The following DOCK8 variants were observed in gnomAD, a reference collection of about 807,000 sequenced individuals.
DOCK8 encodes dedicator of cytokinesis 8, also known as dedicator of cytokinesis protein 8.
Under a neutral mutation model 245.6 loss-of-function variants are expected in DOCK8, and 141 were observed. The observed-to-expected ratio is 0.57, with a 90% CI of 0.50 to 0.66. The LOEUF is 0.66. DOCK8 is among the 30% of genes least tolerant of loss of function. The pLI, the probability that DOCK8 is intolerant of heterozygous loss-of-function variation, is 0.00. For synonymous variants in DOCK8, 1,168 were observed against 970.2 expected, an observed-to-expected ratio of 1.20 and a Z score of -3.79; for missense variants, 2,965 against 2,603.4, an observed-to-expected ratio of 1.14 and a Z score of -3.02.
At chr9:233,860 G>C (rs964095199) in intron 1 of DOCK8, among the ~76,000 whole-genome samples, 1 of 152,160 alleles carries the variant, frequency 6.6e-6, no homozygotes, top group South Asian at 2.1e-4. Context: ...CAATTTGCCA[G>C]TCTGTGTCTT....
chr9:356,987 G>T (rs777617690), intron 14 of DOCK8, among the ~76,000 whole-genome samples: 1 of 152,062 alleles, frequency 6.6e-6, no homozygotes, highest in Non-Finnish European at 1.5e-5. Flanking sequence ...CTTTTCTATG[G>T]GAATCTGATC....
intron 14 of DOCK8, chr9:366,440 A>G (rs1374871007): frequency 6.6e-6 from 1 of 152,132 alleles, no homozygotes; most frequent in South Asian, 2.1e-4. Flanking sequence ...GATTGTTCCA[A>G]TTATCATTTT....
chr9:428,635 G>A, intron 35 of DOCK8, 139 bp downstream of exon 35: 2 of 1,093,338 alleles, frequency 1.8e-6, no homozygotes, highest in Non-Finnish European at 2.7e-6. Context: ...GTCTTCCTAG[G>A]AAGAAAGCAG....
upstream of DOCK8, among the ~76,000 whole-genome samples, chr9:212,615 A>C (rs1236408835): frequency 2.0e-5 from 3 of 152,228 alleles, no homozygotes; most frequent in African/African-American, 7.2e-5. Flanking sequence ...TTCATGGTGA[A>C]TTGTTAAAAG....
chr9:278,001 C>T (rs1388744321), intron 2 of DOCK8, among the ~76,000 whole-genome samples: 1 of 152,136 alleles, frequency 6.6e-6, no homozygotes, highest in Non-Finnish European at 1.5e-5. Flanking sequence ...TGTTCTTTTG[C>T]ACTTCATCTT....
At chr9:283,838 A>T (rs1329473431) in intron 2 of DOCK8, among the ~76,000 whole-genome samples, 5 of 152,214 alleles carry the variant, frequency 3.3e-5, no homozygotes, top group African/African-American at 1.2e-4. Flanking sequence ...AATGAATTTA[A>T]TGTTTACATT....
rs963594266 is a variant in DOCK8 at position 316,557 on chromosome 9, C to G, written c.742-486C>G. ...ATCATCTGTTTAAGAAAACAGTGAA[C>G]TGAGAAAGTGACTCTGTATTATAGG... On this transcript the variant is annotated intron_variant, in intron 6 of 47. Coordinates refer to ENST00000432829, the MANE Select transcript of DOCK8 (RefSeq NM_203447.4). Among the ~76,000 whole-genome samples the G allele has an allele frequency of 2.6e-5, 4 of 152,280 alleles. No homozygotes were observed. In the South Asian group the frequency reaches 8.3e-4, roughly 32 times the overall value.
intron 2 of DOCK8, among the ~76,000 whole-genome samples, chr9:280,003 TA>T (rs1217537213): frequency 1.3e-5 from 2 of 152,184 alleles, no homozygotes; most frequent in Non-Finnish European, 2.9e-5. Flanking sequence ...TACACTGTGT[TA>T]GGAGCTATGT....
Position 370,283 on chromosome 9 carries a change from T to C in DOCK8, c.1851T>C (p.Ala617=), listed in dbSNP as rs1174316008. The part of the protein sequence containing the change: ...GPEFLQEVYT[A]VTYHNKSPDF... ...AATTTCTGCAGGAAGTGTACACAGCTGTTACATACCATAATAAGTAAGTCT... is the reference window on the plus strand; with the variant it reads ...AATTTCTGCAGGAAGTGTACACAGCCGTTACATACCATAATAAGTAAGTCT... Residue 617 remains alanine (A), a synonymous_variant, in exon 16 of 48, where the codon GCT becomes GCC. Coordinates refer to ENST00000432829, the MANE Select transcript of DOCK8 (RefSeq NM_203447.4). 6.2e-7 allele frequency: 1 copy of C among 1,614,070 alleles called. No homozygotes were observed. Among genetic ancestry groups the C allele is most frequent in the South Asian group, 1.1e-5 (1 of 91,078 alleles).
Position 465,074 on chromosome 9 carries a change from A to G in DOCK8, c.*855A>G, listed in dbSNP as rs191179297. On this transcript the variant is annotated 3_prime_UTR_variant, in exon 48 of 48. Coordinates refer to ENST00000432829, the MANE Select transcript of DOCK8 (RefSeq NM_203447.4). The stretch of plus-strand genomic sequence containing the variant: ...ATAATATCTCTGTTTTCATTTCAGA[A>G]CATTGTGCTGTCTGTCAGCATATGT... The G allele has an allele frequency of 6.5e-6, 1 of 152,782 alleles. No homozygotes were observed. The highest frequency in any genetic ancestry group is 6.5e-5 in the Admixed American group (1 of 15,304). 9.5% of individuals were successfully genotyped at this position (152,782 alleles called of 1,614,324 possible). A position where few individuals can be genotyped will look rare whatever the true frequency, so the allele number is the denominator to read the frequency against.
chr9:421,004 T>C lies in DOCK8; in HGVS notation c.4079T>C (p.Val1360Ala), dbSNP rs1300930916. The C allele has an allele frequency of 6.2e-7, 1 of 1,614,204 alleles. No homozygotes were observed. The highest frequency in any genetic ancestry group is 2.2e-5 in the East Asian group (1 of 44,884). Residue 1360 changes from valine to alanine, a missense_variant, in exon 32 of 48, where the codon GTC (valine) becomes GCC (alanine). Val to Ala is a moderately conservative substitution (Grantham distance 64). Around this residue, in one of 3 missense-constraint regions of DOCK8, gnomAD observed 2,825 missense variants for 2,453.5 expected, o/e 1.15. Transcript: ENST00000432829. ...CAAGTCCTGCAGAAGTCAAGGGATG[T>C]CAAGGCCCGGCTGGAAGAGGCTTTG... Reference protein sequence around the residue: ...STQVLQKSRDVKARLEEALLR... With the variant: ...STQVLQKSRDAKARLEEALLR...
intron 1 of DOCK8, among the ~76,000 whole-genome samples, chr9:225,463 A>G (rs1587614969): frequency 6.6e-6 from 1 of 152,084 alleles, no homozygotes; most frequent in South Asian, 2.1e-4. Flanking sequence ...AGGTAGTGAG[A>G]TCTGGGATTA....
upstream of DOCK8, among the ~76,000 whole-genome samples, chr9:211,747 C>G (rs1343178516): frequency 6.6e-6 from 1 of 152,088 alleles, no homozygotes; most frequent in African/African-American, 2.4e-5. Flanking sequence ...ATACAGGCCT[C>G]TGTGATCCAA....
chr9:434,518 C>T (rs1227588751), intron 38 of DOCK8, among the ~76,000 whole-genome samples: 1 of 151,944 alleles, frequency 6.6e-6, no homozygotes, highest in Non-Finnish European at 1.5e-5. Flanking sequence ...TTAAAATAGA[C>T]ATCATGTTAT....
At chr9:410,747 T>G (rs1371742549) in intron 28 of DOCK8, among the ~76,000 whole-genome samples, 2 of 152,016 alleles carry the variant, frequency 1.3e-5, no homozygotes, top group African/African-American at 4.8e-5. Context: ...AAATAAAGAA[T>G]AGAAAAACAA....
chr9:392,524 C>T (rs1279045376), intron 24 of DOCK8, among the ~76,000 whole-genome samples: 8 of 152,190 alleles, frequency 5.3e-5, no homozygotes, highest in Non-Finnish European at 1.2e-4. Flanking sequence ...AGGCTGGAGG[C>T]CAGCATTGTG....
chr9:236,189 C>T (rs888702894), intron 1 of DOCK8, among the ~76,000 whole-genome samples: 2 of 152,162 alleles, frequency 1.3e-5, no homozygotes, highest in African/African-American at 4.8e-5. Context: ...GGCTTTCATC[C>T]TTATGGTCAC....
intron 26 of DOCK8, among the ~76,000 whole-genome samples, chr9:400,427 T>TCAC (rs1175572671): frequency 2.5e-4 from 2 of 7,970 alleles, no homozygotes. Context: ...ACCTCCACCA[T>TCAC]CACCACCACC....
At chr9:351,529 C>G (rs1412390118) in intron 14 of DOCK8, among the ~76,000 whole-genome samples, 6 of 152,236 alleles carry the variant, frequency 3.9e-5, no homozygotes, top group African/African-American at 1.4e-4. Flanking sequence ...ACATTGCAGT[C>G]TTCCTTCACT....
Sources: gnomAD v4.1 joint callset for allele counts (sites outside exome capture counted in the v4.1 genomes callset) on GRCh38, gnomAD v4.1.1 for gene constraint, gnomAD v4.1.1 regional missense constraint, MANE v1.5 for transcripts, NCBI Gene and HGNC (gene_info 2026-07-23, HGNC 2026-07-21) for gene names.